The following SRCIN1 variants were observed in gnomAD, a reference collection of about 807,000 sequenced individuals.
SRCIN1 encodes SRC kinase signaling inhibitor 1.
In SRCIN1, 50 loss-of-function variants were observed where a neutral mutation model predicts 116.2. The observed-to-expected ratio is 0.43, with a 90% CI of 0.34 to 0.54. The LOEUF (loss-of-function observed/expected upper bound fraction) is 0.54. Ranked by LOEUF, SRCIN1 falls within the 20% of genes least tolerant of loss-of-function variation. The pLI is 0.02. For synonymous variants in SRCIN1, 736 were observed against 750.0 expected, an observed-to-expected ratio of 0.98 and a Z score of 0.30; for missense variants, 1,446 against 1,672.0, an observed-to-expected ratio of 0.86 and a Z score of 2.36.
chr17:38,547,432 C>T (rs1294472625), intron 17 of SRCIN1, among the ~76,000 whole-genome samples: 1 of 152,188 alleles, frequency 6.6e-6, no homozygotes, highest in Non-Finnish European at 1.5e-5. Flanking sequence ...CGGGCCAGAC[C>T]TAAGCTCAAA....
rs777304906 is a variant in SRCIN1 at position 38,549,140 on chromosome 17, C to T, written c.3033G>A (p.Arg1011=). 3 of 1,599,972 alleles carry T rather than the reference C, an allele frequency of 1.9e-6. No homozygotes were observed. The highest frequency in any genetic ancestry group is 1.7e-5 in the Admixed American group (1 of 58,532). ...TCAGGCCATGGGAGGAGGGGAAGCT[C>T]CGGCGGGGAGGGGGCGGTGGGGGCG... ...SKSPPPPPPR[R]SFPSSHGLTT... Residue 1011 remains arginine, a synonymous_variant, in exon 16 of 19, where the codon CGG becomes CGA. Coordinates refer to ENST00000617146, the MANE Select transcript of SRCIN1 (RefSeq NM_025248.3).
chr17:38,559,539 C>T, intron 10 of SRCIN1, 46 bp downstream of exon 10: 1 of 1,574,210 alleles, frequency 6.4e-7, no homozygotes, highest in Non-Finnish European at 8.6e-7. Flanking sequence ...GGGACTTCTA[C>T]CAGTAGGTGG....
chr17:38,549,095 C>T lies in SRCIN1; in HGVS notation c.3078G>A (p.Glu1026=). ...AGTCCTTCTTGCTGGTGACCACCAC[C>T]TCTCCGGTACGTGTGGTGGTCAGGC... ...SHGLTTTRTG[E]VVVTSKKDSA... The change falls in exon 16 of 19, where the codon GAG becomes GAA. Residue 1026 remains glutamate (E), a synonymous_variant. Transcript: ENST00000617146. 2 of 1,612,676 alleles carry T rather than the reference C, an allele frequency of 1.2e-6. No homozygotes were observed. Among genetic ancestry groups the T allele is most frequent in the Non-Finnish European group, 1.7e-6 (2 of 1,179,634 alleles).
chr17:38,533,617 G>A (rs3894925), intron 18 of SRCIN1, among the ~76,000 whole-genome samples, 186 bp from the exon 19 acceptor site: 56 of 134,950 alleles, frequency 4.1e-4, no homozygotes, highest in African/African-American at 1.7e-3. Context: ...GGCAGAAAAG[G>A]GGGGGGAGGG....
rs1413740860 is a variant in SRCIN1, at chr17:38,531,556, T to C, written c.*1741A>G. On this transcript the variant is annotated 3_prime_UTR_variant, in exon 19 of 19. Transcript: ENST00000617146. ...TTGCATCATTTATGAGGTCCTTTTTTTTTTTTCTATTTTCCAGGGTTTTTT... is the reference window on the plus strand; with the variant it reads ...TTGCATCATTTATGAGGTCCTTTTTCTTTTTTCTATTTTCCAGGGTTTTTT... The C allele has an allele frequency of 6.7e-6, 1 of 148,444 alleles. No individual in the cohort carries two copies. The highest frequency in any genetic ancestry group is 1.5e-5 in the Non-Finnish European group (1 of 67,150). 9.2% of individuals were successfully genotyped at this position (148,444 alleles called of 1,614,324 possible).
At chr17:38,595,120 A>C (rs937524772) in intron 1 of SRCIN1, among the ~76,000 whole-genome samples, 6 of 152,006 alleles carry the variant, frequency 3.9e-5, no homozygotes, top group African/African-American at 1.5e-4. Context: ...CTTGCTCAAC[A>C]CTTAAGCAAA....
intron 1 of SRCIN1, among the ~76,000 whole-genome samples, chr17:38,587,272 C>T (rs971461556): frequency 6.6e-6 from 1 of 152,152 alleles, no homozygotes; most frequent in Non-Finnish European, 1.5e-5. Context: ...GTGCCACCTC[C>T]ACCAACTGCA....
rs1907545815 is a variant in SRCIN1 at position 38,578,352 on chromosome 17, T to C, written c.324+138A>G. ...TGCCCTGGAGGGACAACTCCCCAAC[T>C]CCTCCCCTTCTTCCCTCTCTGCTCC... On this transcript the variant is annotated intron_variant, in intron 2 of 18. Transcript: ENST00000617146. 3.5e-6 allele frequency: 4 copies of C among 1,147,500 alleles called. No individual in the cohort carries two copies. The South Asian group carries it at 6.9e-5, about 20-fold the overall frequency. 71.1% of individuals were successfully genotyped at this position (1,147,500 alleles called of 1,614,324 possible). A position where few individuals can be genotyped will look rare whatever the true frequency, so the allele number is the denominator to read the frequency against.
chr17:38,551,966 G>C lies in SRCIN1; in HGVS notation c.2647C>G (p.Leu883Val). Residue 883 changes from leucine (L) to valine (V), a missense_variant, in exon 14 of 19, where the codon CTT becomes GTT. Around this residue, in one of 5 missense-constraint regions of SRCIN1, gnomAD observed 531 missense variants for 633.9 expected, o/e 0.84. Transcript: ENST00000617146. ...ELSGPAEGAS[L>V]TPKGGNPTKG... Reference sequence around the variant, plus strand: ...GTGGGGTTGCCCCCCTTGGGGGTAAGAGAGGCTCCTTCAGCTGGCCCGCTC... The same window carrying C: ...GTGGGGTTGCCCCCCTTGGGGGTAACAGAGGCTCCTTCAGCTGGCCCGCTC... 1 of 1,614,076 alleles carries C rather than the reference G, an allele frequency of 6.2e-7. No homozygotes were observed. Among genetic ancestry groups the C allele is most frequent in the Non-Finnish European group, 8.5e-7 (1 of 1,179,908 alleles).
chr17:38,557,287 A>C (rs1337411774), intron 11 of SRCIN1, among the ~76,000 whole-genome samples: 2 of 152,236 alleles, frequency 1.3e-5, no homozygotes, highest in African/African-American at 4.8e-5. Context: ...TGGCTCCCGG[A>C]GTCACTGGCC....
At position 38,568,987 on chromosome 17, in the gene SRCIN1, C is replaced by T. The variant is rs1906900726; in HGVS notation, c.325-756G>A. Among the ~76,000 whole-genome samples the T allele has an allele frequency of 6.6e-6, 1 of 151,910 alleles. No individual in the cohort carries two copies. The highest frequency in any genetic ancestry group is 2.4e-5 in the African/African-American group (1 of 41,336). On this transcript the variant is annotated intron_variant, in intron 2 of 18. Coordinates refer to ENST00000617146, the MANE Select transcript of SRCIN1 (RefSeq NM_025248.3). This position sits in a 1 kb window ranked among gnomAD's most constrained non-coding sequence, Gnocchi z 4.5. Reference sequence around the variant, plus strand: ...GGCCAAGAGAGAGAGGCCTATGCAGCATGGTGGATCTAGTTTACAGAGCAG... The same window carrying T: ...GGCCAAGAGAGAGAGGCCTATGCAGTATGGTGGATCTAGTTTACAGAGCAG...
chr17:38,557,760 A>G (rs1271861917), intron 11 of SRCIN1, among the ~76,000 whole-genome samples: 6 of 152,192 alleles, frequency 3.9e-5, no homozygotes, highest in African/African-American at 7.2e-5. Flanking sequence ...CCTTGGCTAT[A>G]TCTGGACTCA....
chr17:38,603,648 C>A (rs1567889724), intron 1 of SRCIN1, among the ~76,000 whole-genome samples: 1 of 152,086 alleles, frequency 6.6e-6, no homozygotes, highest in Non-Finnish European at 1.5e-5. Flanking sequence ...CCCTCTTGTC[C>A]CCAAGGCAGG....
In SRCIN1 at chr17:38,562,561, G is replaced by C. The variant is rs1906344918; in HGVS notation, c.835-233C>G. 6.6e-6 allele frequency among the ~76,000 whole-genome samples: 1 copy of C among 152,240 alleles called. No individual in the cohort carries two copies. The highest frequency in any genetic ancestry group is 2.1e-4 in the South Asian group (1 of 4,834). On this transcript the variant is annotated intron_variant, in intron 6 of 18. Coordinates refer to ENST00000617146, the MANE Select transcript of SRCIN1 (RefSeq NM_025248.3). This position sits in a 1 kb window ranked among gnomAD's most constrained non-coding sequence, Gnocchi z 4.2. ...TAACCCTCAGCTCAGCTACCGTGAG[G>C]GGTGGGAAGTAGAAGGGGAAGGGGT...
chr17:38,548,924 C>T (rs11868278), intron 16 of SRCIN1, 132 bp downstream of exon 16: 98 of 1,260,458 alleles, frequency 7.8e-5, no homozygotes, highest in Middle Eastern at 5.4e-4. Context: ...AAGTCGCCAC[C>T]GGCCACTCCC....
rs2144865592 is a variant in SRCIN1 at position 38,530,976 on chromosome 17, A to C, written c.*2321T>G. 1 of 152,448 alleles carries C rather than the reference A, an allele frequency of 6.6e-6. No homozygotes were observed. Among genetic ancestry groups the C allele is most frequent in the African/African-American group, 2.4e-5 (1 of 41,592 alleles). 9.4% of individuals were successfully genotyped at this position (152,448 alleles called of 1,614,324 possible). A position where few individuals can be genotyped will look rare whatever the true frequency, so the allele number is the denominator to read the frequency against. ...ACGCAATTCCACACGGATGCCTCCC[A>C]GCCCATAAATGTGCAGGAACCAAAG... On this transcript the variant is annotated 3_prime_UTR_variant, in exon 19 of 19. Coordinates refer to ENST00000617146, the MANE Select transcript of SRCIN1 (RefSeq NM_025248.3).
Position 38,558,428 on chromosome 17 carries a change from C to T in SRCIN1, c.2026-26G>A. 2 of 1,568,664 alleles carry T rather than the reference C, an allele frequency of 1.3e-6. No individual in the cohort carries two copies. Among genetic ancestry groups the T allele is most frequent in the South Asian group, 1.1e-5 (1 of 88,116 alleles). On this transcript the variant is annotated intron_variant, in intron 10 of 18. Transcript: ENST00000617146. The surrounding 1 kb of genome is among the most constrained non-coding windows in gnomAD (Gnocchi z 4.6). ...CTGCGGGACGCACGGACGGATGGAC[C>T]CGGGTGGGGGGAGCGGAGCCGCGAG...
At chr17:38,535,777 C>A (rs1032315287) in intron 18 of SRCIN1, among the ~76,000 whole-genome samples, 2 of 152,168 alleles carry the variant, frequency 1.3e-5, no homozygotes, top group African/African-American at 4.8e-5. Context: ...TTCTTTCCCC[C>A]AAAGCCAGGT....
chr17:38,578,812 AC>A, intron 1 of SRCIN1, 21 bp from the exon 2 acceptor site: 1 of 1,463,184 alleles, frequency 6.8e-7, no homozygotes, highest in Non-Finnish European at 9.0e-7. Context: ...TGAGAGGGGC[AC>A]GGCTGGGTCA....
Sources: gnomAD v4.1 joint callset for allele counts (sites outside exome capture counted in the v4.1 genomes callset) on GRCh38, gnomAD v4.1.1 for gene constraint, gnomAD v4.1.1 regional missense constraint, Gnocchi (gnomAD v3.1) non-coding constraint, MANE v1.5 for transcripts, NCBI Gene and HGNC (gene_info 2026-07-23, HGNC 2026-07-21) for gene names.